Variants in ANK3 observed in about 807,000 individuals in gnomAD.
The protein encoded by ANK3 is ankyrin 3, also known as ankyrin-3.
Under a neutral mutation model 370.9 loss-of-function variants are expected in ANK3, and 57 were observed. The observed-to-expected ratio is 0.15, with a 90% CI of 0.12 to 0.19. The LOEUF is 0.19. Among genes scored for constraint, ANK3 ranks in the 10% least tolerant of loss-of-function variants. The pLI, the probability that ANK3 is intolerant of heterozygous loss-of-function variation, is 1.00. For missense variants in ANK3, 4,439 were observed against 5,302.1 expected (o/e 0.84, Z 5.06); for synonymous variants, 1,929 against 1,946.3 (o/e 0.99, Z 0.23).
chr10:60,284,460 G>C (rs2098214490), intron 1 of ANK3, among the ~76,000 whole-genome samples: 1 of 152,142 alleles, frequency 6.6e-6, no homozygotes, highest in African/African-American at 2.4e-5. Context: ...CAGAGCTTGT[G>C]AATGACAGGG....
At chr10:60,169,512 T>A (rs1433929554) in intron 21 of ANK3, among the ~76,000 whole-genome samples, 1 of 152,050 alleles carries the variant, frequency 6.6e-6, no homozygotes, top group Non-Finnish European at 1.5e-5. Context: ...ATCTTGATCA[T>A]ATGTCTGAAG....
chr10:60,573,336 A>T (rs2077640412), intron 2 of ANK3, among the ~76,000 whole-genome samples: 1 of 152,142 alleles, frequency 6.6e-6, no homozygotes, highest in Non-Finnish European at 1.5e-5. Context: ...ATTCATATTT[A>T]ATCATTGGTT....
At chr10:60,662,416 T>C (rs2133373403) in intron 1 of ANK3, among the ~76,000 whole-genome samples, 1 of 152,280 alleles carries the variant, frequency 6.6e-6, no homozygotes, top group African/African-American at 2.4e-5. Context: ...TACAACAAAA[T>C]TCTGGGGAAA....
At chr10:60,090,634 TG>T (rs1241803588) in intron 28 of ANK3, among the ~76,000 whole-genome samples, 1 of 152,188 alleles carries the variant, frequency 6.6e-6, no homozygotes, top group Non-Finnish European at 1.5e-5. Context: ...TCACAGAAGC[TG>T]AAAAATGGTC....
At chr10:60,476,871 T>C (rs1471298909) in intron 2 of ANK3, among the ~76,000 whole-genome samples, 1 of 152,136 alleles carries the variant, frequency 6.6e-6, no homozygotes, top group African/African-American at 2.4e-5. Flanking sequence ...CAACAATCAT[T>C]TTCGAATTCT....
chr10:60,580,410 T>C (rs1173938224), intron 2 of ANK3, among the ~76,000 whole-genome samples: 1 of 152,226 alleles, frequency 6.6e-6, no homozygotes, highest in Non-Finnish European at 1.5e-5. Context: ...ATACTGTCTT[T>C]AGCTAACTCA....
Position 60,029,341 on chromosome 10 carries a change from TAC to T in ANK3, c.*503_*504del, listed in dbSNP as rs2072761149. Reference sequence around the variant, plus strand: ...TATTCTATTTTTCTGTTAGAATTTATACAGTGTTATTATTTACAGCAAAACTA... The same window carrying T: ...TATTCTATTTTTCTGTTAGAATTTATAGTGTTATTATTTACAGCAAAACTA... On this transcript the variant is annotated 3_prime_UTR_variant, in exon 44 of 44. Coordinates refer to ENST00000280772, the MANE Select transcript of ANK3 (RefSeq NM_020987.5). 3.9e-5 allele frequency: 6 copies of T among 152,762 alleles called. No homozygotes were observed. The South Asian group carries it at 8.3e-4, about 21-fold the overall frequency. The allele number at this position is 152,762 out of a possible 1,614,324, so 9.5% of individuals were successfully genotyped here.
At position 60,074,690 on chromosome 10, in the gene ANK3, T is replaced by C; in HGVS notation, c.6191A>G (p.Gln2064Arg). 6.2e-7 allele frequency: 1 copy of C among 1,613,564 alleles called. No homozygotes were observed. The highest frequency in any genetic ancestry group is 8.5e-7 in the Non-Finnish European group (1 of 1,179,874). Residue 2064 changes from glutamine to arginine, a missense_variant, in exon 37 of 44, where the codon CAG becomes CGG. Around this residue, in one of 13 missense-constraint regions of ANK3, gnomAD observed 679 missense variants for 791.0 expected, o/e 0.86. Coordinates refer to ENST00000280772, the MANE Select transcript of ANK3 (RefSeq NM_020987.5). ...AATTGCTGGTTTTAAAACTCTTTTC[T>C]GTCTCTCCTCACCATCCTTCTTTGC... ...EDAKKDGEER[Q>R]KRVLKPAIAL...
chr10:60,571,348 C>T (rs2077594641), intron 2 of ANK3, among the ~76,000 whole-genome samples: 1 of 152,168 alleles, frequency 6.6e-6, no homozygotes, highest in Non-Finnish European at 1.5e-5. Context: ...TTCAAATTAA[C>T]CTTTTAATTA....
chr10:60,529,581 G>T (rs2076557077), intron 2 of ANK3, among the ~76,000 whole-genome samples: 1 of 152,096 alleles, frequency 6.6e-6, no homozygotes, highest in Admixed American at 6.6e-5. Context: ...TCAAAAGCAA[G>T]AATGGCAAAG....
chr10:60,279,194 G>A (rs369444509), intron 2 of ANK3, 46 bp from the exon 3 acceptor site: 3 of 1,556,636 alleles, frequency 1.9e-6, no homozygotes, highest in Non-Finnish European at 2.7e-6. Flanking sequence ...GTTGAAAATA[G>A]AGCAGTAAAC....
intron 7 of ANK3, among the ~76,000 whole-genome samples, chr10:60,249,484 C>T (rs904918459): frequency 6.6e-5 from 10 of 152,144 alleles, no homozygotes; most frequent in African/African-American, 2.2e-4. Flanking sequence ...TTCTTACCCC[C>T]GCAGAAAGTA....
chr10:60,399,540 G>A (rs1039490438), intron 2 of ANK3, among the ~76,000 whole-genome samples: 2 of 152,132 alleles, frequency 1.3e-5, no homozygotes, highest in African/African-American at 2.4e-5. Context: ...CAGGGCCATC[G>A]GAGAGCTCTC....
At chr10:60,698,218 G>C (rs1267298247) in intron 1 of ANK3, among the ~76,000 whole-genome samples, 1 of 151,274 alleles carries the variant, frequency 6.6e-6, no homozygotes, top group East Asian at 1.9e-4. Flanking sequence ...TCTCACACCA[G>C]TTAGAATGGC....
At chr10:60,475,561 A>G (rs576811535) in intron 2 of ANK3, among the ~76,000 whole-genome samples, 1 of 152,358 alleles carries the variant, frequency 6.6e-6, no homozygotes, top group South Asian at 2.1e-4. Context: ...CCCCAAACAA[A>G]AGCATCTGAA....
At chr10:60,583,393 G>A (rs774761682) in intron 2 of ANK3, among the ~76,000 whole-genome samples, 2 of 152,044 alleles carry the variant, frequency 1.3e-5, no homozygotes, top group East Asian at 1.9e-4. Context: ...ATTGATCGAC[G>A]GTATAAAGCT....
chr10:60,486,069 C>G (rs2075339694), intron 2 of ANK3, among the ~76,000 whole-genome samples: 1 of 152,142 alleles, frequency 6.6e-6, no homozygotes, highest in African/African-American at 2.4e-5. Context: ...GTTTCATAGG[C>G]TGATGCTCCA....
Position 60,192,965 on chromosome 10 carries a change from CTT to C in ANK3, c.1887+3178_1887+3179del, listed in dbSNP as rs200805191. On this transcript the variant is annotated intron_variant, in intron 16 of 43. Coordinates refer to ENST00000280772, the MANE Select transcript of ANK3 (RefSeq NM_020987.5). The stretch of plus-strand genomic sequence containing the variant: ...TCAATTTAAACCATTGTAGCTAGGA[CTT>C]TTTTTTTTTTTTCCTAGCAGATAAA... Among the ~76,000 whole-genome samples the C allele has an allele frequency of 3.1e-3, 451 of 145,166 alleles. 3 individuals carry two copies. Among genetic ancestry groups the C allele is most frequent in the African/African-American group, 0.01 (420 of 40,006 alleles).
intron 8 of ANK3, among the ~76,000 whole-genome samples, chr10:60,224,512 G>A (rs576803038): frequency 4.6e-5 from 7 of 152,218 alleles, no homozygotes; most frequent in African/African-American, 1.2e-4. Context: ...ATCACACCTA[G>A]GACTATGAAA....
Sources: allele counts gnomAD v4.1 joint callset (sites outside exome capture counted in the v4.1 genomes callset), GRCh38; gene constraint gnomAD v4.1.1; regional missense constraint gnomAD v4.1.1; transcripts MANE v1.5; gene names NCBI Gene and HGNC (gene_info 2026-07-23, HGNC 2026-07-21).